Variants in LDHB observed in about 807,000 individuals in gnomAD.
LDHB encodes the protein lactate dehydrogenase B.
A neutral mutation model predicts 33.4 loss-of-function variants in LDHB; 18 were observed. That is an observed-to-expected ratio of 0.54 (90% CI 0.37 to 0.80). LDHB has a LOEUF of 0.80. LDHB is among the 30% of genes least tolerant of loss of function. LDHB has a pLI of 0.00. For missense variants in LDHB, 345 were observed against 407.9 expected (o/e 0.85, Z 1.33); for synonymous variants, 121 against 140.6 (o/e 0.86, Z 0.98).
chr12:21,645,237 G>A (rs1266911323), intron 3 of LDHB, among the ~76,000 whole-genome samples: 3 of 24,648 alleles, frequency 1.2e-4, no homozygotes, highest in Non-Finnish European at 1.7e-4. Flanking sequence ...AGTACACTAT[G>A]GAAGGCCGCA....
At chr12:21,642,943 T>C (rs1031552500) in intron 4 of LDHB, among the ~76,000 whole-genome samples, 1 of 152,328 alleles carries the variant, frequency 6.6e-6, no homozygotes, top group East Asian at 1.9e-4. Flanking sequence ...ATGTAGAAAG[T>C]TGCATAATCA....
chr12:21,657,228 C>G (rs1158849192), intron 1 of LDHB: 1 of 152,266 alleles, frequency 6.6e-6, no homozygotes, highest in African/African-American at 2.4e-5. Flanking sequence ...GAAAGACCGT[C>G]AGAGCCGGGT....
chr12:21,647,613 A>G (rs772165321), intron 2 of LDHB, among the ~76,000 whole-genome samples: 10 of 152,018 alleles, frequency 6.6e-5, no homozygotes, highest in Non-Finnish European at 1.2e-4. Context: ...TTCTATTCCA[A>G]TTGTCATTCT....
Position 21,654,408 on chromosome 12 carries a change from G to T in LDHB, c.129+135C>A, listed in dbSNP as rs118057312. 6.2e-4 allele frequency: 478 copies of T among 767,194 alleles called. 2 individuals carry two copies. Among genetic ancestry groups the T allele is most frequent in the Non-Finnish European group, 9.6e-4 (433 of 449,442 alleles). 47.5% of individuals were successfully genotyped at this position (767,194 alleles called of 1,614,324 possible). A position where few individuals can be genotyped will look rare whatever the true frequency, so the allele number is the denominator to read the frequency against. On this transcript the variant is annotated intron_variant, in intron 2 of 7. Coordinates refer to ENST00000350669, the MANE Select transcript of LDHB (RefSeq NM_002300.8). ...TGCTTAAATATTTGAAAGTGAAGTG[G>T]GATTACATCTACAACTTCAAATTGC...
At position 21,635,712 on chromosome 12, in the gene LDHB, G is replaced by A; in HGVS notation, c.838-3C>T. The A allele has an allele frequency of 6.2e-7, 1 of 1,612,922 alleles. No individual in the cohort carries two copies. Among genetic ancestry groups the A allele is most frequent in the Non-Finnish European group, 8.5e-7 (1 of 1,179,126 alleles). On this transcript the variant is annotated splice_polypyrimidine_tract_variant and splice_region_variant and intron_variant, in intron 7 of 7. Coordinates refer to ENST00000350669, the MANE Select transcript of LDHB (RefSeq NM_002300.8). ...TCATTCTCAATGCCATACATCCCCTGCCAGAACAACAAAGCATCGAGATTA... is the reference window on the plus strand; with the variant it reads ...TCATTCTCAATGCCATACATCCCCTACCAGAACAACAAAGCATCGAGATTA...
At chr12:21,657,678 T>C (rs1054002460) in intron 1 of LDHB, 73 bp downstream of exon 1, 1 of 152,388 alleles carries the variant, frequency 6.6e-6, no homozygotes, top group Non-Finnish European at 1.5e-5. Context: ...CGTCTCCCCA[T>C]ACAAGTACTA....
rs756147677 is a variant in LDHB at position 21,647,025 on chromosome 12, G to A, written c.130-9C>T. ...AGTTCATCAGCCAGAGACTGTAAAC[G>A]CAAAAACAGGCATTAGAACCCTAAG... On this transcript the variant is annotated splice_polypyrimidine_tract_variant and intron_variant, in intron 2 of 7. Coordinates refer to ENST00000350669, the MANE Select transcript of LDHB (RefSeq NM_002300.8). 12 of 1,557,108 alleles carry A rather than the reference G, an allele frequency of 7.7e-6. No individual in the cohort carries two copies. The highest frequency in any genetic ancestry group is 6.7e-5 in the Admixed American group (4 of 59,906).
chr12:21,643,094 A>G (rs150290261), intron 4 of LDHB, among the ~76,000 whole-genome samples: 111 of 152,288 alleles, frequency 7.3e-4, no homozygotes, highest in Non-Finnish European at 1.3e-3. Context: ...ATAAACTCCA[A>G]TCTTGGTTTG....
intron 6 of LDHB, among the ~76,000 whole-genome samples, chr12:21,637,560 A>G (rs1938251623): frequency 6.6e-6 from 1 of 152,112 alleles, no homozygotes; most frequent in Non-Finnish European, 1.5e-5. Flanking sequence ...ATATATCTCA[A>G]TTGTGAGGTC....
chr12:21,636,681 C>G (rs778594749), intron 7 of LDHB, among the ~76,000 whole-genome samples: 4 of 151,976 alleles, frequency 2.6e-5, no homozygotes, highest in Admixed American at 1.3e-4. Context: ...TGCATTTGCT[C>G]CATAGCTTTT....
chr12:21,650,857 A>G (rs570184812), intron 2 of LDHB, among the ~76,000 whole-genome samples: 56 of 152,378 alleles, frequency 3.7e-4, no homozygotes, highest in African/African-American at 1.3e-3. Context: ...GGAAATAGGA[A>G]TTAAACAAAC....
chr12:21,657,295 A>C (rs896190168), intron 1 of LDHB: 2 of 152,212 alleles, frequency 1.3e-5, no homozygotes, highest in Non-Finnish European at 2.9e-5. Flanking sequence ...TCCTCATCCC[A>C]GCGAGTGCAA....
intron 2 of LDHB, among the ~76,000 whole-genome samples, chr12:21,653,877 TATTA>T (rs1211880691): frequency 1.3e-5 from 2 of 152,138 alleles, no homozygotes; most frequent in Non-Finnish European, 2.9e-5. Flanking sequence ...ACAGATTACT[TATTA>T]ATTAAAAGAG....
At chr12:21,642,185 G>C in intron 4 of LDHB, 60 bp from the exon 5 acceptor site, 2 of 1,247,700 alleles carry the variant, frequency 1.6e-6, no homozygotes, top group Non-Finnish European at 2.4e-6. Context: ...CTGTTAGGCA[G>C]CTTGGGGTGC....
chr12:21,652,909 G>T (rs1938735557), intron 2 of LDHB, among the ~76,000 whole-genome samples: 1 of 150,352 alleles, frequency 6.7e-6, no homozygotes, highest in Non-Finnish European at 1.5e-5. Flanking sequence ...TAAAGACTCA[G>T]TTTGCTGCTT....
chr12:21,644,144 G>C (rs1301859377), intron 3 of LDHB, 36 bp from the exon 4 acceptor site: 2 of 1,427,516 alleles, frequency 1.4e-6, no homozygotes, highest in Admixed American at 3.4e-5. Context: ...TACTTTAAAT[G>C]CAACTCTTCA....
At chr12:21,650,149 CACG>C (rs1565629902) in intron 2 of LDHB, among the ~76,000 whole-genome samples, 28 of 145,852 alleles carry the variant, frequency 1.9e-4, no homozygotes, top group African/African-American at 6.4e-4. Context: ...CACACACACA[CACG>C]TCTCTCTCTC....
chr12:21,654,797 G>C (rs983507944), intron 1 of LDHB, 120 bp from the exon 2 acceptor site: 1 of 836,778 alleles, frequency 1.2e-6, no homozygotes, highest in South Asian at 1.4e-5. Context: ...TGAGCCTAAT[G>C]ATATTCTAGA....
intron 2 of LDHB, among the ~76,000 whole-genome samples, chr12:21,650,254 A>G (rs1938650905): frequency 6.6e-6 from 1 of 152,114 alleles, no homozygotes; most frequent in Non-Finnish European, 1.5e-5. Context: ...TCTATTCAAT[A>G]GTTTGTGTTT....
Sources: gnomAD v4.1 joint callset for allele counts (sites outside exome capture counted in the v4.1 genomes callset) on GRCh38, gnomAD v4.1.1 for gene constraint, MANE v1.5 for transcripts, NCBI Gene and HGNC (gene_info 2026-07-23, HGNC 2026-07-21) for gene names.